Variants in ZFC3H1 observed in about 807,000 individuals in gnomAD.
ZFC3H1 encodes the protein zinc finger C3H1-type containing.
Under a neutral mutation model 243.7 loss-of-function variants are expected in ZFC3H1, and 71 were observed. The observed-to-expected ratio is 0.29, with a 90% CI of 0.24 to 0.36. The LOEUF (loss-of-function observed/expected upper bound fraction) is 0.36, where lower values mean the gene tolerates loss of function less well. Among genes scored for constraint, ZFC3H1 ranks in the 10% least tolerant of loss-of-function variants. The probability of loss-of-function intolerance (pLI) is 1.00; values close to 1 mark genes in which losing one functional copy is unlikely to be tolerated. For missense variants in ZFC3H1, 1,966 were observed against 2,317.1 expected (o/e 0.85, Z 3.11); for synonymous variants, 838 against 813.0 (o/e 1.03, Z -0.52).
chr12:71,655,638 C>A (rs1187377928), intron 2 of ZFC3H1, among the ~76,000 whole-genome samples: 1 of 152,130 alleles, frequency 6.6e-6, no homozygotes, highest in South Asian at 2.1e-4. Flanking sequence ...ATAGAAAACA[C>A]GAAGTTAGAT....
chr12:71,657,070 A>G lies in ZFC3H1; in HGVS notation c.830T>C (p.Ile277Thr). 1.2e-6 allele frequency: 2 copies of G among 1,613,942 alleles called. No homozygotes were observed. Among genetic ancestry groups the G allele is most frequent in the Non-Finnish European group, 1.7e-6 (2 of 1,179,920 alleles). Residue 277 changes from isoleucine (I) to threonine (T), a missense_variant, in exon 2 of 35, where the codon ATT becomes ACT. By Grantham distance (89) the Ile-to-Thr change is moderately conservative. Transcript: ENST00000378743. ...EDQTSTDNVS[I>T]TKDSSKEVAP... ...TACTTCTTTACTTGAATCCTTTGTA[A>G]TACTGACATTATCAGTGCTAGTTTG...
chr12:71,656,655 T>A (rs1262025937), intron 2 of ZFC3H1: 1 of 585,752 alleles, frequency 1.7e-6, no homozygotes, highest in African/African-American at 1.9e-5. Context: ...ATCACTTATG[T>A]ATAACATTCT....
intron 1 of ZFC3H1, among the ~76,000 whole-genome samples, chr12:71,661,484 CTTTTTTT>C (rs10658535): frequency 5.3e-5 from 7 of 130,854 alleles, no homozygotes; most frequent in African/African-American, 2.0e-4. Flanking sequence ...TATAATTTTC[CTTTTTTT>C]TTTTTTTTTG....
At chr12:71,658,207 T>C (rs954684421) in intron 1 of ZFC3H1, among the ~76,000 whole-genome samples, 8 of 151,700 alleles carry the variant, frequency 5.3e-5, no homozygotes, top group African/African-American at 1.9e-4. Context: ...AGAATTGTTA[T>C]ACCTCATTTT....
Position 71,627,896 on chromosome 12 carries a change from C to A in ZFC3H1, c.3985G>T (p.Asp1329Tyr). The A allele has an allele frequency of 6.2e-7, 1 of 1,612,762 alleles. No homozygotes were observed. Among genetic ancestry groups the A allele is most frequent in the Non-Finnish European group, 8.5e-7 (1 of 1,179,598 alleles). ...ACATCATCTGGAGTGACAACTGTATCCAGAGCTGGAACATTTATTTGGTTC... is the reference window on the plus strand; with the variant it reads ...ACATCATCTGGAGTGACAACTGTATACAGAGCTGGAACATTTATTTGGTTC... Reference protein sequence around the residue: ...PENQINVPALDTVVTPDDVRY... With the variant: ...PENQINVPALYTVVTPDDVRY... The change falls in exon 21 of 35, where the codon GAT becomes TAT. Residue 1329 changes from aspartate to tyrosine, a missense_variant. Physicochemically the swap from Asp to Tyr is radical, Grantham distance 160. Transcript: ENST00000378743.
chr12:71,612,282 T>G (rs1879792999), intron 31 of ZFC3H1, among the ~76,000 whole-genome samples: 1 of 152,104 alleles, frequency 6.6e-6, no homozygotes, highest in Non-Finnish European at 1.5e-5. Flanking sequence ...AAAATGCATG[T>G]ATAGTAACTA....
chr12:71,616,849 T>A (rs1879905795), intron 27 of ZFC3H1, among the ~76,000 whole-genome samples: 1 of 152,158 alleles, frequency 6.6e-6, no homozygotes, highest in South Asian at 2.1e-4. Flanking sequence ...CATGAGTTAA[T>A]CCCTTAACTT....
At chr12:71,650,187 A>C (rs1031280243) in intron 2 of ZFC3H1, among the ~76,000 whole-genome samples, 2 of 152,110 alleles carry the variant, frequency 1.3e-5, no homozygotes, top group African/African-American at 4.8e-5. Flanking sequence ...GAGTCAGGAG[A>C]ATGGTGTGAA....
chr12:71,610,397 A>G lies in ZFC3H1; in HGVS notation c.*31T>C, dbSNP rs754795352. On this transcript the variant is annotated 3_prime_UTR_variant, in exon 35 of 35. Transcript: ENST00000378743. The stretch of plus-strand genomic sequence containing the variant: ...CATTCAAATAATTTTGGCAATTATT[A>G]TAAGGACTTAGAACTGACTGCACCC... 20 of 1,596,900 alleles carry G rather than the reference A, an allele frequency of 1.3e-5. No homozygotes were observed. Among genetic ancestry groups the G allele is most frequent in the Admixed American group, 3.6e-5 (2 of 55,940 alleles).
intron 7 of ZFC3H1, among the ~76,000 whole-genome samples, chr12:71,638,019 C>T (rs1362459959): frequency 6.6e-6 from 1 of 151,890 alleles, no homozygotes; most frequent in Non-Finnish European, 1.5e-5. Context: ...TAAAAATAAC[C>T]ATTTTTATGA....
At chr12:71,647,717 A>G in intron 3 of ZFC3H1, 32 bp downstream of exon 3, 1 of 1,265,724 alleles carries the variant, frequency 7.9e-7, no homozygotes, top group Non-Finnish European at 1.1e-6. Context: ...TGGGTCTTAC[A>G]GAGATGATAG....
intron 9 of ZFC3H1, 29 bp from the exon 10 acceptor site, chr12:71,635,609 G>A (rs1565816530): frequency 6.6e-7 from 1 of 1,504,092 alleles, no homozygotes; most frequent in Non-Finnish European, 8.8e-7. Context: ...TATTACTCGT[G>A]ATAACAAAAG....
chr12:71,657,688 GAT>G (rs1381200900), intron 1 of ZFC3H1, among the ~76,000 whole-genome samples: 1 of 152,098 alleles, frequency 6.6e-6, no homozygotes, highest in African/African-American at 2.4e-5. Context: ...CACAGATGCG[GAT>G]AGTTTACACT....
intron 2 of ZFC3H1, 123 bp downstream of exon 2, chr12:71,656,762 T>A (rs748406259): frequency 3.0e-6 from 3 of 1,014,990 alleles, no homozygotes; most frequent in Non-Finnish European, 4.3e-6. Flanking sequence ...AATGTCTACA[T>A]AGAAAGTACA....
chr12:71,639,409 G>A, intron 6 of ZFC3H1: 1 of 243,218 alleles, frequency 4.1e-6, no homozygotes, highest in African/African-American at 2.3e-5. Context: ...TTATTAGGTG[G>A]CAGAGAGAAG....
chr12:71,635,362 T>C (rs553658324), intron 10 of ZFC3H1, 81 bp downstream of exon 10: 6 of 1,486,480 alleles, frequency 4.0e-6, no homozygotes, highest in Non-Finnish European at 4.5e-6. Flanking sequence ...TATAACTTTA[T>C]GGTTTAATTT....
At position 71,629,017 on chromosome 12, in the gene ZFC3H1, T is replaced by C; in HGVS notation, c.3847A>G (p.Lys1283Glu). ...KGHTPPFTTY[K>E]DKRKWKPKFW... is the part of the protein sequence containing the mutation. ...TTTGGCTTCCACTTTCTTTTATCTT[T>C]GTAGGTTGTAAATGGAGGAGCTAAA... Residue 1283 changes from lysine to glutamate, a missense_variant, in exon 20 of 35, where the codon AAA becomes GAA. Transcript: ENST00000378743. 1 of 1,611,994 alleles carries C rather than the reference T, an allele frequency of 6.2e-7. No homozygotes were observed. Among genetic ancestry groups the C allele is most frequent in the Non-Finnish European group, 8.5e-7 (1 of 1,179,362 alleles).
chr12:71,612,712 G>T (rs1426407031), intron 31 of ZFC3H1, among the ~76,000 whole-genome samples: 1 of 152,168 alleles, frequency 6.6e-6, no homozygotes, highest in Non-Finnish European at 1.5e-5. Context: ...CAGTGGGAAT[G>T]ACTGCAAACG....
At position 71,644,255 on chromosome 12, in the gene ZFC3H1, T is replaced by C. The variant is rs760540102; in HGVS notation, c.1343A>G (p.Gln448Arg). The change falls in exon 5 of 35, where the codon CAG becomes CGG. Residue 448 changes from glutamine to arginine, a missense_variant. Physicochemically the swap from Gln to Arg is conservative, Grantham distance 43 (BLOSUM62 1). This residue lies in a region of ZFC3H1 where 91 missense variants were observed against 107.6 expected (regional missense o/e 0.85). Transcript: ENST00000378743. ...AWKKLQQQKEQERQKEEDQRK... is the reference protein window; with the variant it reads ...AWKKLQQQKERERQKEEDQRK... ...CTGATCCTCTTCTTTCTGTCTTTCC[T>C]GCTCTTTTTGTTGTTGTAGTTTCTT... 2 of 1,613,126 alleles carry C rather than the reference T, an allele frequency of 1.2e-6. No homozygotes were observed. The highest frequency in any genetic ancestry group is 8.5e-7 in the Non-Finnish European group (1 of 1,179,460).
Sources: gnomAD v4.1 joint callset for allele counts (sites outside exome capture counted in the v4.1 genomes callset) on GRCh38, gnomAD v4.1.1 for gene constraint, gnomAD v4.1.1 regional missense constraint, MANE v1.5 for transcripts, NCBI Gene and HGNC (gene_info 2026-07-23, HGNC 2026-07-21) for gene names.